Variants in CEP112 observed in about 807,000 individuals in gnomAD.
CEP112 encodes the protein centrosomal protein 112.
A neutral mutation model predicts 153.0 loss-of-function variants in CEP112; 127 were observed. That is an observed-to-expected ratio of 0.83 (90% CI 0.72 to 0.96). The LOEUF is 0.96. Among genes scored for constraint, CEP112 ranks in the 40% least tolerant of loss-of-function variants. The pLI, the probability that CEP112 is intolerant of heterozygous loss-of-function variation, is 0.00. For missense variants in CEP112, 1,089 were observed against 1,101.2 expected (o/e 0.99, Z 0.16); for synonymous variants, 358 against 374.4 (o/e 0.96, Z 0.51).
At chr17:65,928,659 C>A (rs946970245) in intron 18 of CEP112, among the ~76,000 whole-genome samples, 1 of 151,824 alleles carries the variant, frequency 6.6e-6, no homozygotes, top group Admixed American at 6.6e-5. Flanking sequence ...GCCCAGGAGT[C>A]GGAGACCAGT....
chr17:66,154,934 T>C (rs1037933262), intron 4 of CEP112, among the ~76,000 whole-genome samples: 5 of 152,194 alleles, frequency 3.3e-5, no homozygotes, highest in African/African-American at 1.2e-4. Flanking sequence ...AAACAATTAT[T>C]GCCAAAGTGG....
intron 16 of CEP112, among the ~76,000 whole-genome samples, chr17:66,010,668 G>A (rs954129285): frequency 1.3e-5 from 2 of 152,166 alleles, no homozygotes; most frequent in Non-Finnish European, 2.9e-5. Context: ...TTAACATGAA[G>A]AGATGTTGGA....
intron 18 of CEP112, among the ~76,000 whole-genome samples, chr17:65,944,693 G>C (rs955115390): frequency 6.6e-5 from 10 of 152,026 alleles, no homozygotes; most frequent in Admixed American, 6.5e-4. Flanking sequence ...GGGCTCAAGT[G>C]ATCATCTTAC....
chr17:66,156,937 A>C (rs1317535180), intron 4 of CEP112, among the ~76,000 whole-genome samples: 1 of 152,178 alleles, frequency 6.6e-6, no homozygotes, highest in Non-Finnish European at 1.5e-5. Context: ...GAATGGAACC[A>C]AGTTGGAAAA....
At chr17:65,929,326 G>T (rs1013516499) in intron 18 of CEP112, among the ~76,000 whole-genome samples, 11 of 152,070 alleles carry the variant, frequency 7.2e-5, no homozygotes, top group African/African-American at 2.7e-4. Flanking sequence ...CATCTCTACT[G>T]CTCTATCCCA....
At chr17:65,775,272 G>A (rs1021918368) in intron 21 of CEP112, among the ~76,000 whole-genome samples, 1 of 151,934 alleles carries the variant, frequency 6.6e-6, no homozygotes, top group Non-Finnish European at 1.5e-5. Flanking sequence ...GAGGAAGCTA[G>A]GGCCATGCAA....
chr17:65,665,337 T>C (rs1213463694), intron 24 of CEP112, among the ~76,000 whole-genome samples: 1 of 152,210 alleles, frequency 6.6e-6, no homozygotes, highest in African/African-American at 2.4e-5. Flanking sequence ...TGAATTCTTC[T>C]TGCTATTGCA....
In CEP112 at chr17:66,176,961, C is replaced by T. The variant is rs571632713; in HGVS notation, c.166G>A (p.Gly56Arg). ...TTCCGATTCTTCCTCCCCATTATTC[C>T]TGCACCTGTTCCTGAAGGTTCGCAC... ...KLCEPSGTGA[G>R]IMGRKNRNLY... The change falls in exon 3 of 27, where the codon GGA becomes AGA. Residue 56 changes from glycine to arginine, a missense_variant. Transcript: ENST00000535342. The T allele has an allele frequency of 7.4e-6, 12 of 1,613,868 alleles. No homozygotes were observed. The African/African-American group carries it at 8.0e-5, about 11-fold the overall frequency.
intron 23 of CEP112, among the ~76,000 whole-genome samples, chr17:65,695,462 T>C (rs2048310387): frequency 6.6e-6 from 1 of 152,200 alleles, no homozygotes; most frequent in African/African-American, 2.4e-5. Flanking sequence ...AGCCACTCCT[T>C]AACTTGTAAA....
intron 17 of CEP112, among the ~76,000 whole-genome samples, chr17:65,986,033 T>G (rs181762783): frequency 6.6e-6 from 1 of 152,102 alleles, no homozygotes; most frequent in Non-Finnish European, 1.5e-5. Flanking sequence ...ATTGAAGTAA[T>G]AGATCACATT....
At chr17:65,793,587 C>T (rs2054728476) in intron 21 of CEP112, among the ~76,000 whole-genome samples, 1 of 152,218 alleles carries the variant, frequency 6.6e-6, no homozygotes, top group African/African-American at 2.4e-5. Context: ...TTCTCTCTCT[C>T]TCTGCCCTTG....
chr17:66,182,356 T>C (rs1298514117), intron 2 of CEP112: 1 of 152,310 alleles, frequency 6.6e-6, no homozygotes, highest in Admixed American at 6.5e-5. Flanking sequence ...TATCAGCTGT[T>C]TCAGGCAGCC....
At chr17:65,939,299 T>C (rs2061440293) in intron 18 of CEP112, among the ~76,000 whole-genome samples, 1 of 152,118 alleles carries the variant, frequency 6.6e-6, no homozygotes, top group Non-Finnish European at 1.5e-5. Context: ...AGTGTTAAAA[T>C]GCCCATACTA....
intron 12 of CEP112, 60 bp downstream of exon 12, chr17:66,053,673 CATG>C: frequency 6.6e-7 from 1 of 1,520,504 alleles, no homozygotes; most frequent in Non-Finnish European, 9.0e-7. Flanking sequence ...ATCAGGGAAA[CATG>C]AGGACATGGA....
At chr17:66,179,183 G>T (rs1195840632) in intron 2 of CEP112, among the ~76,000 whole-genome samples, 1 of 152,048 alleles carries the variant, frequency 6.6e-6, no homozygotes, top group Non-Finnish European at 1.5e-5. Context: ...TGGGTCTTTT[G>T]TGGTTCCACA....
intron 17 of CEP112, among the ~76,000 whole-genome samples, chr17:65,998,407 GA>G (rs1431482749): frequency 1.0e-5 from 1 of 98,564 alleles, no homozygotes; most frequent in Non-Finnish European, 2.2e-5. Context: ...AAAAAAAAAG[GA>G]AATGTTCTAA....
chr17:66,050,578 A>G (rs2066397085), intron 12 of CEP112, among the ~76,000 whole-genome samples: 1 of 152,222 alleles, frequency 6.6e-6, no homozygotes, highest in Admixed American at 6.5e-5. Context: ...TTATTTTTAA[A>G]AAGTCGTATT....
intron 21 of CEP112, among the ~76,000 whole-genome samples, chr17:65,785,534 T>TG (rs1323255474): frequency 6.6e-6 from 1 of 152,246 alleles, no homozygotes. Context: ...ATCTCATTGT[T>TG]GTTCTGATAC....
intron 23 of CEP112, among the ~76,000 whole-genome samples, chr17:65,702,746 A>G (rs1431438294): frequency 6.6e-6 from 1 of 152,194 alleles, no homozygotes; most frequent in East Asian, 1.9e-4. Context: ...ATGGCTGGGG[A>G]GGCCTCATAA....
Sources: gnomAD v4.1 joint callset for allele counts (sites outside exome capture counted in the v4.1 genomes callset) on GRCh38, gnomAD v4.1.1 for gene constraint, MANE v1.5 for transcripts, NCBI Gene and HGNC (gene_info 2026-07-23, HGNC 2026-07-21) for gene names.